The following NRBF2 variants were observed in gnomAD, a reference collection of about 807,000 sequenced individuals.
The protein encoded by NRBF2 is nuclear receptor-binding factor 2.
NRBF2 carries 12 observed loss-of-function variants against 28.5 expected under a neutral mutation model. The ratio of observed to expected loss-of-function variants is 0.42; its 90% CI spans 0.27 to 0.68. NRBF2 has a LOEUF of 0.68. Among genes scored for constraint, NRBF2 ranks in the 30% least tolerant of loss-of-function variants. The pLI is 0.24. For missense variants in NRBF2, 274 were observed against 333.5 expected (o/e 0.82, Z 1.39); for synonymous variants, 102 against 116.5 (o/e 0.88, Z 0.80).
chr10:63,133,876 G>C (rs1841330747), intron 1 of NRBF2, among the ~76,000 whole-genome samples: 2 of 152,148 alleles, frequency 1.3e-5, no homozygotes, highest in South Asian at 4.1e-4. Context: ...TGTGATACTG[G>C]TTTTAAGTTC....
At chr10:63,144,248 A>T (rs188585910) in intron 1 of NRBF2, among the ~76,000 whole-genome samples, 1 of 152,106 alleles carries the variant, frequency 6.6e-6, no homozygotes, top group Non-Finnish European at 1.5e-5. Flanking sequence ...CCCCTGTTCA[A>T]TGATGAGTTG....
intron 1 of NRBF2, among the ~76,000 whole-genome samples, chr10:63,140,723 T>G (rs1459992592): frequency 6.7e-6 from 1 of 149,112 alleles, no homozygotes; most frequent in African/African-American, 2.5e-5. Flanking sequence ...TTTTTTGAGA[T>G]GGAGTCTCAC....
At chr10:63,153,489 T>G (rs1253583729) in intron 3 of NRBF2, 22 bp from the exon 4 acceptor site, 1 of 1,542,946 alleles carries the variant, frequency 6.5e-7, no homozygotes, top group Non-Finnish European at 8.8e-7. Flanking sequence ...CTTCCAATTT[T>G]ATCTTTCCTT....
At chr10:63,138,308 G>A (rs953585091) in intron 1 of NRBF2, among the ~76,000 whole-genome samples, 3 of 150,172 alleles carry the variant, frequency 2.0e-5, no homozygotes, top group Admixed American at 6.7e-5. Context: ...GTGAAACTCC[G>A]TATCAAAAAA....
intron 1 of NRBF2, among the ~76,000 whole-genome samples, chr10:63,141,612 A>C: frequency 6.6e-6 from 1 of 152,182 alleles, no homozygotes; most frequent in East Asian, 1.9e-4. Context: ...TGATGTTTCA[A>C]CTAGTTTAAT....
At chr10:63,152,567 T>C (rs1672544738) in intron 3 of NRBF2, among the ~76,000 whole-genome samples, 1 of 152,240 alleles carries the variant, frequency 6.6e-6, no homozygotes, top group Non-Finnish European at 1.5e-5. Flanking sequence ...TTGTCAAAGA[T>C]AATTTAAATC....
In NRBF2 at chr10:63,154,577, C is replaced by T. The variant is rs1294185428; in HGVS notation, c.*359C>T. 5.8e-6 allele frequency: 1 copy of T among 171,426 alleles called. No individual in the cohort carries two copies. Among genetic ancestry groups the T allele is most frequent in the East Asian group, 1.7e-4 (1 of 6,040 alleles). The allele number at this position is 171,426 out of a possible 1,614,324, so 10.6% of individuals were successfully genotyped here. ...AGTTATGTGTAATTAATCTATAATG[C>T]CATAAATGATAATGCAAAACCTAAA... On this transcript the variant is annotated 3_prime_UTR_variant, in exon 4 of 4. Transcript: ENST00000277746.
chr10:63,138,483 C>CAA (rs35901425), intron 1 of NRBF2, among the ~76,000 whole-genome samples: 158 of 111,472 alleles, frequency 1.4e-3, no homozygotes, highest in Non-Finnish European at 1.8e-3. Context: ...GACCTTGTCG[C>CAA]AAAAAAAAAA....
Position 63,133,372 on chromosome 10 carries a change from C to T in NRBF2, c.-99C>T, listed in dbSNP as rs750243865. On this transcript the variant is annotated 5_prime_UTR_variant, in exon 1 of 4. Transcript: ENST00000277746. ...CTGGCTCTTGGGGCGCAGAGAGGGGCCGCAGTCTCCGCGGCTGCGTCGAGC... is the reference window on the plus strand; with the variant it reads ...CTGGCTCTTGGGGCGCAGAGAGGGGTCGCAGTCTCCGCGGCTGCGTCGAGC... The T allele has an allele frequency of 3.1e-5, 44 of 1,400,272 alleles. No individual in the cohort carries two copies. Among genetic ancestry groups the T allele is most frequent in the Non-Finnish European group, 3.9e-5 (39 of 1,004,804 alleles). The allele number at this position is 1,400,272 out of a possible 1,614,324, so 86.7% of individuals were successfully genotyped here. A position where few individuals can be genotyped will look rare whatever the true frequency, so the allele number is the denominator to read the frequency against.
At chr10:63,137,795 G>A (rs558878464) in intron 1 of NRBF2, among the ~76,000 whole-genome samples, 1 of 152,220 alleles carries the variant, frequency 6.6e-6, no homozygotes, top group Admixed American at 6.5e-5. Flanking sequence ...TTGTTGCCCT[G>A]AAAAATTCCA....
chr10:63,133,998 C>T (rs143584671), intron 1 of NRBF2, among the ~76,000 whole-genome samples: 2,098 of 133,508 alleles, frequency 0.016, 13 homozygotes, highest in Non-Finnish European at 0.022. Flanking sequence ...TCCTCACCCT[C>T]CACTTCCCCC....
Position 63,154,089 on chromosome 10 carries a change from G to T in NRBF2, c.735G>T (p.Lys245Asn). The change falls in exon 4 of 4, where the codon AAG becomes AAT. Residue 245 changes from lysine to asparagine, a missense_variant. Coordinates refer to ENST00000277746, the MANE Select transcript of NRBF2 (RefSeq NM_030759.5). ...CTACAGCCTCCTCAACCTGGCAGAA[G>T]TTCGCAGCAAATACTGGGAAAGCCA... The part of the protein sequence containing the change: ...ETATASSTWQ[K>N]FAANTGKAKD... The T allele has an allele frequency of 1.2e-6, 2 of 1,613,918 alleles. No homozygotes were observed. The highest frequency in any genetic ancestry group is 1.1e-5 in the South Asian group (1 of 91,076).
intron 2 of NRBF2, among the ~76,000 whole-genome samples, chr10:63,147,659 A>G (rs1841584442): frequency 7.0e-6 from 1 of 142,912 alleles, no homozygotes; most frequent in Admixed American, 7.2e-5. Context: ...TAGAATGTGC[A>G]TGTTTGTTAC....
chr10:63,151,377 A>G (rs910890458), intron 2 of NRBF2, among the ~76,000 whole-genome samples: 5 of 152,250 alleles, frequency 3.3e-5, no homozygotes, highest in African/African-American at 1.2e-4. Flanking sequence ...ATGAATGTAC[A>G]ATAAAATATC....
intron 1 of NRBF2, among the ~76,000 whole-genome samples, chr10:63,143,815 C>T (rs543222359): frequency 6.9e-6 from 1 of 145,198 alleles, no homozygotes; most frequent in Non-Finnish European, 1.5e-5. Context: ...TGCAGTGGTG[C>T]GATCACAGGT....
chr10:63,140,988 C>T (rs761441892), intron 1 of NRBF2, among the ~76,000 whole-genome samples: 14 of 152,120 alleles, frequency 9.2e-5, no homozygotes, highest in South Asian at 2.1e-4. Context: ...CGTGAGCCTC[C>T]GCTCCTGGCC....
At position 63,133,336 on chromosome 10, in the gene NRBF2, A is replaced by G; in HGVS notation, c.-135A>G. 9.6e-7 allele frequency: 1 copy of G among 1,037,340 alleles called. No homozygotes were observed. Among genetic ancestry groups the G allele is most frequent in the Non-Finnish European group, 1.4e-6 (1 of 695,260 alleles). The allele number at this position is 1,037,340 out of a possible 1,614,324, so 64.3% of individuals were successfully genotyped here. A position where few individuals can be genotyped will look rare whatever the true frequency, so the allele number is the denominator to read the frequency against. On this transcript the variant is annotated 5_prime_UTR_variant, in exon 1 of 4. Transcript: ENST00000277746. ...GAAGTGGTGAGGTTGTTGCTCCTTC[A>G]GCGCCTATCGCTGGCTCTTGGGGCG...
chr10:63,142,780 CTTTTTTTTTTTT>C (rs781293012), intron 1 of NRBF2, among the ~76,000 whole-genome samples: 20 of 74,940 alleles, frequency 2.7e-4, no homozygotes, highest in Non-Finnish European at 4.2e-4. Context: ...TTCTTTCTTT[CTTTTTTTTTTTT>C]TTTTTTTTGA....
At position 63,152,204 on chromosome 10, in the gene NRBF2, C is replaced by T; in HGVS notation, c.156+14C>T. ...CAGTCAGAGCAGGTGAGACATATTC[C>T]CAATATTTGCGACAAGGGTTAGAAA... On this transcript the variant is annotated intron_variant, in intron 3 of 3. Coordinates refer to ENST00000277746, the MANE Select transcript of NRBF2 (RefSeq NM_030759.5). 6.2e-7 allele frequency: 1 copy of T among 1,609,940 alleles called. No homozygotes were observed. Among genetic ancestry groups the T allele is most frequent in the Non-Finnish European group, 8.5e-7 (1 of 1,176,708 alleles).
Sources: gnomAD v4.1 joint callset for allele counts (sites outside exome capture counted in the v4.1 genomes callset) on GRCh38, gnomAD v4.1.1 for gene constraint, MANE v1.5 for transcripts, NCBI Gene and HGNC (gene_info 2026-07-23, HGNC 2026-07-21) for gene names.